The following ERC2 variants were observed in gnomAD, a reference collection of about 807,000 sequenced individuals.
ERC2 encodes ERC protein 2.
ERC2 carries 42 observed loss-of-function variants against 114.8 expected under a neutral mutation model. The observed-to-expected ratio is 0.37, with a 90% CI of 0.29 to 0.47. ERC2 has a LOEUF of 0.47. Ranked by LOEUF, ERC2 falls within the 20% of genes least tolerant of loss-of-function variation. The probability of loss-of-function intolerance (pLI) is 0.99; values close to 1 mark genes in which losing one functional copy is unlikely to be tolerated. For synonymous variants in ERC2, 454 were observed against 425.5 expected, an observed-to-expected ratio of 1.07 and a Z score of -0.82; for missense variants, 939 against 1,150.7, an observed-to-expected ratio of 0.82 and a Z score of 2.66.
At chr3:55,663,721 C>A (rs1202482731) in intron 17 of ERC2, among the ~76,000 whole-genome samples, 2 of 152,100 alleles carry the variant, frequency 1.3e-5, no homozygotes, top group East Asian at 1.9e-4. Flanking sequence ...TTAAAAAAAT[C>A]TTTTTTTACT....
rs552518399 is a variant in ERC2, at chr3:56,043,523, AG to A, written c.1642-24493del. Among the ~76,000 whole-genome samples the A allele has an allele frequency of 9.9e-5, 15 of 152,278 alleles. No homozygotes were observed. In the South Asian group the frequency reaches 2.9e-3, roughly 29 times the overall value. Reference sequence around the variant, plus strand: ...TGCTTATCGGAAACACAAGACACTCAGAAAAAAAAAGAGGAATTAAAAAGGA... The same window carrying A: ...TGCTTATCGGAAACACAAGACACTCAAAAAAAAAAGAGGAATTAAAAAGGA... On this transcript the variant is annotated intron_variant, in intron 7 of 17. Coordinates refer to ENST00000288221, the MANE Select transcript of ERC2 (RefSeq NM_015576.3).
chr3:55,621,058 A>T (rs1489418692), intron 17 of ERC2, among the ~76,000 whole-genome samples: 1 of 152,156 alleles, frequency 6.6e-6, no homozygotes, highest in Non-Finnish European at 1.5e-5. Context: ...AATAGCCAGG[A>T]GGCCTTGAAG....
At position 56,080,803 on chromosome 3, in the gene ERC2, T is replaced by C. The variant is rs542915386; in HGVS notation, c.1641+14A>G. The C allele has an allele frequency of 1.5e-5, 24 of 1,611,648 alleles. No homozygotes were observed. In the Middle Eastern group the frequency reaches 4.9e-4, roughly 33 times the overall value. On this transcript the variant is annotated intron_variant, in intron 7 of 17. Transcript: ENST00000288221. The stretch of plus-strand genomic sequence containing the variant: ...GATGATACCCCACTTGAAGGTCTTA[T>C]GTCAGCTACTCACCTTTTTCTGAAG...
At chr3:56,266,252 TAC>T (rs2053297681) in intron 3 of ERC2, among the ~76,000 whole-genome samples, 2 of 148,870 alleles carry the variant, frequency 1.3e-5, no homozygotes, top group Non-Finnish European at 3.0e-5. Flanking sequence ...TGCCTCAGCC[TAC>T]CGAGTAGCTG....
At chr3:55,944,963 G>A (rs1026028752) in intron 13 of ERC2, among the ~76,000 whole-genome samples, 17 of 151,894 alleles carry the variant, frequency 1.1e-4, no homozygotes, top group African/African-American at 4.1e-4. Context: ...ATTAGATGAG[G>A]GTCAGTTCAT....
rs9790006 is a variant in ERC2, at chr3:55,569,103, G to C, written c.*40-57827C>G. ...AGGAACTTCCAGGTAATGTGGTTGA[G>C]GGGGAGGGGCTGCACATTACCTTTG... On this transcript the variant is annotated intron_variant, in intron 17 of 17. Transcript: ENST00000288221. Among the ~76,000 whole-genome samples, 17 of 152,258 alleles carry C rather than the reference G, an allele frequency of 1.1e-4. No individual in the cohort carries two copies. The East Asian group carries it at 3.3e-3, about 29-fold the overall frequency.
intron 1 of ERC2, among the ~76,000 whole-genome samples, chr3:56,447,749 AT>A (rs964379149): frequency 1.9e-4 from 28 of 147,962 alleles, no homozygotes; most frequent in Admixed American, 3.4e-4. Flanking sequence ...ACGTTAATTG[AT>A]TTTTTTTTTT....
intron 14 of ERC2, among the ~76,000 whole-genome samples, chr3:55,803,282 T>C (rs983483965): frequency 3.9e-5 from 6 of 152,202 alleles, no homozygotes; most frequent in African/African-American, 1.4e-4. Context: ...TATTATATGA[T>C]ATTCAAAAAA....
chr3:55,677,452 A>G (rs892596190), intron 17 of ERC2, among the ~76,000 whole-genome samples: 1 of 152,124 alleles, frequency 6.6e-6, no homozygotes, highest in African/African-American at 2.4e-5. Flanking sequence ...TCCTCTGTTT[A>G]TGGATACAGT....
chr3:55,683,164 T>A (rs1225117055), intron 17 of ERC2, among the ~76,000 whole-genome samples: 4 of 152,228 alleles, frequency 2.6e-5, no homozygotes, highest in Non-Finnish European at 5.9e-5. Flanking sequence ...ATGTCACTAA[T>A]AAGACCTGCT....
chr3:56,325,793 C>A (rs1216839749), intron 2 of ERC2, among the ~76,000 whole-genome samples: 1 of 152,126 alleles, frequency 6.6e-6, no homozygotes, highest in African/African-American at 2.4e-5. Context: ...GATTACCATC[C>A]CCTTTCTACA....
chr3:55,664,599 T>C (rs982421335), intron 17 of ERC2, among the ~76,000 whole-genome samples: 1 of 152,044 alleles, frequency 6.6e-6, no homozygotes, highest in Non-Finnish European at 1.5e-5. Context: ...GATCAGGAGG[T>C]AGAAGTAATG....
In ERC2 at chr3:55,570,735, C is replaced by G. The variant is rs557138364; in HGVS notation, c.*40-59459G>C. Among the ~76,000 whole-genome samples, 42 of 152,322 alleles carry G rather than the reference C, an allele frequency of 2.8e-4. No individual in the cohort carries two copies. The South Asian group carries it at 8.7e-3, about 32-fold the overall frequency. On this transcript the variant is annotated intron_variant, in intron 17 of 17. Coordinates refer to ENST00000288221, the MANE Select transcript of ERC2 (RefSeq NM_015576.3). ...CCTTTCCTTCCCCAACTTCTGGCCT[C>G]TGCCCTTACACAAGTCTTGTTTTGT...
chr3:56,455,272 A>G (rs1469823194), intron 1 of ERC2, among the ~76,000 whole-genome samples: 1 of 151,988 alleles, frequency 6.6e-6, no homozygotes, highest in Non-Finnish European at 1.5e-5. Flanking sequence ...GAAAAGAAAA[A>G]AAAACAACTG....
intron 17 of ERC2, among the ~76,000 whole-genome samples, chr3:55,526,167 GA>G: frequency 6.6e-6 from 1 of 152,280 alleles, no homozygotes; most frequent in South Asian, 2.1e-4. Context: ...GCAACCACCA[GA>G]AGCTCGGAAG....
chr3:56,241,150 C>T (rs2051294100), intron 3 of ERC2, among the ~76,000 whole-genome samples: 1 of 152,014 alleles, frequency 6.6e-6, no homozygotes, highest in African/African-American at 2.4e-5. Flanking sequence ...CTGTGAAAGA[C>T]ATGAAAAGGA....
chr3:55,625,992 T>A (rs1299869239), intron 17 of ERC2, among the ~76,000 whole-genome samples: 1 of 152,222 alleles, frequency 6.6e-6, no homozygotes, highest in Non-Finnish European at 1.5e-5. Flanking sequence ...GGTAGGTGTG[T>A]TCCAAAGAAT....
At chr3:56,117,683 C>G (rs2079318579) in intron 6 of ERC2, among the ~76,000 whole-genome samples, 1 of 152,202 alleles carries the variant, frequency 6.6e-6, no homozygotes, top group South Asian at 2.1e-4. Context: ...GCTCAGTAAG[C>G]TGTTCAAAAG....
intron 8 of ERC2, among the ~76,000 whole-genome samples, chr3:56,016,417 CTTTTTTTTTCTTT>C (rs1349103715): frequency 9.6e-6 from 1 of 104,440 alleles, no homozygotes; most frequent in African/African-American, 2.8e-5. Flanking sequence ...TTGTAGCTTC[CTTTTTTTTTCTTT>C]TTTTTTTTTT....
Sources: gnomAD v4.1 joint callset for allele counts (sites outside exome capture counted in the v4.1 genomes callset) on GRCh38, gnomAD v4.1.1 for gene constraint, MANE v1.5 for transcripts, NCBI Gene and HGNC (gene_info 2026-07-23, HGNC 2026-07-21) for gene names.